Variants in ZNF385D observed in about 807,000 individuals in gnomAD.
ZNF385D encodes the protein zinc finger protein 659.
In ZNF385D, 15 loss-of-function variants were observed where a neutral mutation model predicts 35.8. The ratio of observed to expected loss-of-function variants is 0.42; its 90% confidence interval spans 0.28 to 0.64. ZNF385D has a LOEUF of 0.64. ZNF385D is among the 30% of genes least tolerant of loss of function. ZNF385D has a pLI of 0.23. For missense variants in ZNF385D, 474 were observed against 494.6 expected (o/e 0.96, Z 0.39); for synonymous variants, 212 against 186.8 (o/e 1.13, Z -1.10).
chr3:21,469,992 T>A (rs1158589812), intron 4 of ZNF385D, among the ~76,000 whole-genome samples: 1 of 152,164 alleles, frequency 6.6e-6, no homozygotes, highest in Non-Finnish European at 1.5e-5. Context: ...ACGTGTTGAT[T>A]TGAAAGCCAG....
intron 3 of ZNF385D, among the ~76,000 whole-genome samples, chr3:21,799,123 T>C (rs1284845780): frequency 6.6e-6 from 1 of 152,212 alleles, no homozygotes; most frequent in Non-Finnish European, 1.5e-5. Context: ...CTGTAGCATG[T>C]ACTTGATTTT....
chr3:21,502,176 C>T (rs1411967195), intron 4 of ZNF385D, among the ~76,000 whole-genome samples: 2 of 152,186 alleles, frequency 1.3e-5, no homozygotes, highest in African/African-American at 4.8e-5. Flanking sequence ...ACTCAGTTGT[C>T]ATTAAGGCTC....
rs56303677 is a variant in ZNF385D, at chr3:21,975,702, AATATATAT to A, written c.325+193107_325+193114del. On this transcript the variant is annotated intron_variant, in intron 3 of 5. Coordinates refer to the ZNF385D transcript ENST00000494108. ...ATATATACCTATTATGTACCCACGAAATATATATATATATATATATATATATATATATA... is the reference window on the plus strand; with the variant it reads ...ATATATACCTATTATGTACCCACGAAATATATATATATATATATATATATA... 8.5e-4 allele frequency among the ~76,000 whole-genome samples: 106 copies of A among 124,012 alleles called. 1 individual carries two copies. The highest frequency in any genetic ancestry group is 5.3e-3 in the East Asian group (18 of 3,418). 81.4% of individuals were successfully genotyped at this position (124,012 alleles called of 152,430 possible). A position where few individuals can be genotyped will look rare whatever the true frequency, so the allele number is the denominator to read the frequency against.
intron 3 of ZNF385D, among the ~76,000 whole-genome samples, chr3:21,963,605 T>G (rs867849084): frequency 1.3e-5 from 2 of 152,228 alleles, no homozygotes; most frequent in Non-Finnish European, 2.9e-5. Flanking sequence ...CATACTTTCC[T>G]GCCGCTGGTG....
intron 2 of ZNF385D, among the ~76,000 whole-genome samples, chr3:22,363,039 T>G (rs894570648): frequency 6.6e-6 from 1 of 152,104 alleles, no homozygotes. Context: ...AAGTCCAACT[T>G]AGTTCGCTGT....
intron 3 of ZNF385D, among the ~76,000 whole-genome samples, chr3:21,880,219 T>C (rs1305419221): frequency 6.6e-6 from 1 of 151,998 alleles, no homozygotes; most frequent in Non-Finnish European, 1.5e-5. Flanking sequence ...TTATGAGCAC[T>C]GCGTTAGAAA....
intron 2 of ZNF385D, among the ~76,000 whole-genome samples, chr3:22,236,084 A>G (rs1399342447): frequency 6.6e-6 from 1 of 152,158 alleles, no homozygotes; most frequent in Non-Finnish European, 1.5e-5. Context: ...CACATCTGGA[A>G]TAATATACAA....
chr3:21,934,437 T>C (rs1701164757), intron 3 of ZNF385D, among the ~76,000 whole-genome samples: 1 of 152,194 alleles, frequency 6.6e-6, no homozygotes, highest in Non-Finnish European at 1.5e-5. Flanking sequence ...TTATAATTAG[T>C]AGCAACCACC....
chr3:22,224,582 A>G (rs1279032633), intron 2 of ZNF385D, among the ~76,000 whole-genome samples: 1 of 152,204 alleles, frequency 6.6e-6, no homozygotes, highest in Non-Finnish European at 1.5e-5. Flanking sequence ...CCCATGGAGA[A>G]CACAGTGGAG....
chr3:22,089,464 G>A (rs564223141), intron 3 of ZNF385D, among the ~76,000 whole-genome samples: 4 of 152,314 alleles, frequency 2.6e-5, no homozygotes, highest in South Asian at 4.1e-4. Flanking sequence ...CCCAAAGACA[G>A]GCTCCTGCGG....
At chr3:21,493,806 G>A (rs1355394530) in intron 4 of ZNF385D, among the ~76,000 whole-genome samples, 2 of 151,966 alleles carry the variant, frequency 1.3e-5, no homozygotes, top group Non-Finnish European at 2.9e-5. Flanking sequence ...GATCACCTTA[G>A]TTGCCTAAAA....
At chr3:21,737,066 A>G (rs1039981091) in intron 1 of ZNF385D, among the ~76,000 whole-genome samples, 1 of 151,990 alleles carries the variant, frequency 6.6e-6, no homozygotes, top group African/African-American at 2.4e-5. Flanking sequence ...CAGCCTCCCG[A>G]GTAACTGGGA....
At chr3:21,796,702 G>A (rs1038227424) in intron 3 of ZNF385D, among the ~76,000 whole-genome samples, 9 of 152,156 alleles carry the variant, frequency 5.9e-5, no homozygotes, top group African/African-American at 1.9e-4. Flanking sequence ...ATGACATTTG[G>A]GTTTGATGAT....
chr3:22,072,471 G>A (rs951189201), intron 3 of ZNF385D, among the ~76,000 whole-genome samples: 2 of 152,016 alleles, frequency 1.3e-5, no homozygotes, highest in African/African-American at 2.4e-5. Context: ...ACTAGAACTC[G>A]TCAGCTGCTT....
chr3:22,003,534 T>G (rs1200419785), intron 3 of ZNF385D, among the ~76,000 whole-genome samples: 45 of 152,120 alleles, frequency 3.0e-4, no homozygotes, highest in Admixed American at 2.9e-3. Context: ...GCAATCTTTT[T>G]CAAAATATCA....
At chr3:21,778,366 T>C (rs930666460) in intron 3 of ZNF385D, among the ~76,000 whole-genome samples, 1 of 151,930 alleles carries the variant, frequency 6.6e-6, no homozygotes, top group African/African-American at 2.4e-5. Flanking sequence ...TACTTCATTT[T>C]ATCCCTACCC....
chr3:21,791,527 G>A (rs73820139), intron 3 of ZNF385D, among the ~76,000 whole-genome samples: 5 of 152,158 alleles, frequency 3.3e-5, no homozygotes, highest in Non-Finnish European at 7.3e-5. Flanking sequence ...TCAATTTCCT[G>A]TCCTGCTTTG....
chr3:22,068,009 T>TA (rs1700042443), intron 3 of ZNF385D, among the ~76,000 whole-genome samples: 1 of 103,930 alleles, frequency 9.6e-6, no homozygotes, highest in African/African-American at 6.4e-5. Context: ...AAGACTCCAC[T>TA]GGAAAAAAAA....
intron 3 of ZNF385D, among the ~76,000 whole-genome samples, chr3:21,991,421 C>A (rs548116586): frequency 1.3e-5 from 2 of 152,154 alleles, no homozygotes; most frequent in Non-Finnish European, 2.9e-5. Flanking sequence ...AAATAAATCA[C>A]ATTTGTTTTG....
Sources: allele counts gnomAD v4.1 joint callset (sites outside exome capture counted in the v4.1 genomes callset), GRCh38; gene constraint gnomAD v4.1.1; transcripts MANE v1.5; gene names NCBI Gene and HGNC (gene_info 2026-07-23, HGNC 2026-07-21).